The following RAB38 variants were observed in gnomAD, a reference collection of about 807,000 sequenced individuals.
RAB38 encodes the protein RAB38, member RAS oncogene family, also known as ras-related protein Rab-38.
In RAB38, 15 loss-of-function variants were observed where a neutral mutation model predicts 18.4. The ratio of observed to expected loss-of-function variants is 0.82; its 90% CI spans 0.55 to 1.26. The LOEUF (loss-of-function observed/expected upper bound fraction) is 1.26. RAB38 is among the 50% of genes most tolerant of loss of function. The pLI, the probability that RAB38 is intolerant of heterozygous loss-of-function variation, is 0.00. For synonymous variants in RAB38, 101 were observed against 104.4 expected, an observed-to-expected ratio of 0.97 and a Z score of 0.20; for missense variants, 294 against 267.4, an observed-to-expected ratio of 1.10 and a Z score of -0.69.
At chr11:88,144,722 C>CA (rs1242376400) in intron 2 of RAB38, among the ~76,000 whole-genome samples, 1 of 152,080 alleles carries the variant, frequency 6.6e-6, no homozygotes, top group African/African-American at 2.4e-5. Context: ...AGGGTGGGTC[C>CA]AAAAAGTCAC....
chr11:87,937,336 ATATATATATATATATC>A, the RAB38 span, among the ~76,000 whole-genome samples: 38 of 96,520 alleles, frequency 3.9e-4, no homozygotes, highest in African/African-American at 6.7e-4. Context: ...ATATATATAT[ATATATATATATATATC>A]ATAATTCTAT....
chr11:88,120,088 A>T (rs1284641394), intron 2 of RAB38, among the ~76,000 whole-genome samples: 1 of 152,146 alleles, frequency 6.6e-6, no homozygotes, highest in African/African-American at 2.4e-5. Context: ...TTTCCTTTGG[A>T]TACCTGCTTT....
At chr11:88,172,498 A>G (rs889134440) in intron 1 of RAB38, among the ~76,000 whole-genome samples, 1 of 152,222 alleles carries the variant, frequency 6.6e-6, no homozygotes, top group Non-Finnish European at 1.5e-5. Context: ...TGTATATGAT[A>G]TCCTATCAGA....
At chr11:88,084,739 G>A in the RAB38 span, among the ~76,000 whole-genome samples, 48 of 151,500 alleles carry the variant, frequency 3.2e-4, 2 homozygotes, top group South Asian at 9.0e-3. Context: ...ATACATAATA[G>A]TCAGTTATTT....
the RAB38 span, among the ~76,000 whole-genome samples, chr11:87,894,057 T>C: frequency 5.9e-5 from 9 of 151,716 alleles, no homozygotes; most frequent in Non-Finnish European, 1.0e-4. Flanking sequence ...ACATGGAATG[T>C]TTTACCATTT....
At chr11:88,144,941 T>C (rs1942963209) in intron 2 of RAB38, among the ~76,000 whole-genome samples, 1 of 152,176 alleles carries the variant, frequency 6.6e-6, no homozygotes, top group Non-Finnish European at 1.5e-5. Context: ...CACTCCATTA[T>C]GTGAGCAGAA....
chr11:87,948,433 T>C, the RAB38 span, among the ~76,000 whole-genome samples: 6 of 151,986 alleles, frequency 3.9e-5, no homozygotes. Context: ...CAACACTATG[T>C]TGAATAGGAG....
chr11:88,172,943 A>G (rs1943327508), intron 1 of RAB38, among the ~76,000 whole-genome samples: 1 of 152,216 alleles, frequency 6.6e-6, no homozygotes. Context: ...AAGCTCCTCT[A>G]CTGAGATGTT....
At chr11:88,084,692 GT>G in the RAB38 span, among the ~76,000 whole-genome samples, 2 of 151,534 alleles carry the variant, frequency 1.3e-5, no homozygotes, top group Admixed American at 6.6e-5. Context: ...TCTCTCTTGT[GT>G]TGCTTCTTTC....
At chr11:88,029,755 A>G in the RAB38 span, among the ~76,000 whole-genome samples, 1 of 152,020 alleles carries the variant, frequency 6.6e-6, no homozygotes, top group Non-Finnish European at 1.5e-5. Context: ...CTACAAAGAG[A>G]CTTAGACTCC....
chr11:87,894,323 A>G, the RAB38 span, among the ~76,000 whole-genome samples: 1 of 151,720 alleles, frequency 6.6e-6, no homozygotes, highest in Non-Finnish European at 1.5e-5. Context: ...GCTATTCCCC[A>G]GTGTAAAAGA....
the RAB38 span, among the ~76,000 whole-genome samples, chr11:87,826,310 A>G: frequency 1.3e-5 from 2 of 152,164 alleles, no homozygotes; most frequent in African/African-American, 4.8e-5. Context: ...ATTTTAGATT[A>G]TAAGATTATG....
At chr11:88,125,601 G>C (rs1309691762) in intron 2 of RAB38, among the ~76,000 whole-genome samples, 2 of 152,214 alleles carry the variant, frequency 1.3e-5, no homozygotes, top group Non-Finnish European at 2.9e-5. Context: ...GTTCTGTGTA[G>C]ATTCTGGATA....
At chr11:88,006,783 T>C in the RAB38 span, among the ~76,000 whole-genome samples, 2 of 151,422 alleles carry the variant, frequency 1.3e-5, no homozygotes, top group Admixed American at 6.6e-5. Context: ...CTCAATAATA[T>C]GTGGAATCTA....
the RAB38 span, among the ~76,000 whole-genome samples, chr11:88,013,650 A>G: frequency 5.9e-5 from 9 of 152,180 alleles, no homozygotes; most frequent in Non-Finnish European, 1.5e-5. Context: ...CACTCAAAGA[A>G]GGACTCATCA....
chr11:87,953,348 T>TTCTTTCCAGCTTTTTAGTCA, the RAB38 span, among the ~76,000 whole-genome samples: 12 of 152,210 alleles, frequency 7.9e-5, no homozygotes, highest in East Asian at 2.3e-3. Context: ...GATACTTCAA[T>TTCTTTCCAGCTTTTTAGTCA]TCTTTCCAGC....
the RAB38 span, among the ~76,000 whole-genome samples, chr11:87,872,121 G>A: frequency 6.6e-6 from 1 of 151,522 alleles, no homozygotes; most frequent in Admixed American, 6.6e-5. Flanking sequence ...TTTACCTGCT[G>A]TCTTCACTGA....
chr11:88,128,367 C>G (rs943379536), intron 2 of RAB38, among the ~76,000 whole-genome samples: 3 of 152,182 alleles, frequency 2.0e-5, no homozygotes, highest in African/African-American at 7.2e-5. Flanking sequence ...GGAAAGATTT[C>G]TCAAATTGAG....
chr11:87,886,049 CAT>C, the RAB38 span, among the ~76,000 whole-genome samples: 1 of 151,876 alleles, frequency 6.6e-6, no homozygotes, highest in African/African-American at 2.4e-5. Flanking sequence ...CTCAAGTAGC[CAT>C]ATGTTTCTCA....
Sources: allele counts gnomAD v4.1 joint callset (sites outside exome capture counted in the v4.1 genomes callset), GRCh38; gene constraint gnomAD v4.1.1; transcripts MANE v1.5; gene names NCBI Gene and HGNC (gene_info 2026-07-23, HGNC 2026-07-21).